The following TMEM223 variants were observed in gnomAD, a reference collection of about 807,000 sequenced individuals.
TMEM223 encodes transmembrane protein 223.
Under a neutral mutation model 14.1 loss-of-function variants are expected in TMEM223, and 14 were observed. The ratio of observed to expected loss-of-function variants is 0.99; its 90% CI spans 0.66 to 1.55. The LOEUF (loss-of-function observed/expected upper bound fraction) is 1.55. Ranked by LOEUF, TMEM223 falls within the 40% of genes most tolerant of loss-of-function variation. The probability of loss-of-function intolerance (pLI) is 0.00; values close to 1 mark genes in which losing one functional copy is unlikely to be tolerated. For missense variants in TMEM223, 346 were observed against 269.9 expected (o/e 1.28, Z -1.97); for synonymous variants, 145 against 120.5 (o/e 1.20, Z -1.33).
chr11:62,787,391 G>A, downstream of TMEM223: 1 of 1,554,170 alleles, frequency 6.4e-7, no homozygotes, highest in Non-Finnish European at 8.6e-7. Context: ...GGCTTTGGGC[G>A]GGGTGCTGCT....
At chr11:62,789,099 CA>C (rs748265191), downstream of TMEM223, 14 of 1,614,246 alleles carry the variant, frequency 8.7e-6, no homozygotes, top group Non-Finnish European at 8.5e-7. Context: ...TCCCGTCCCT[CA>C]GCACCATCCC....
chr11:62,784,717 G>C (rs2084257725), downstream of TMEM223, among the ~76,000 whole-genome samples: 1 of 152,150 alleles, frequency 6.6e-6, no homozygotes, highest in Non-Finnish European at 1.5e-5. Flanking sequence ...TGTTATTACA[G>C]ATTTCCTGAT....
At chr11:62,784,300 T>G (rs1354896801), downstream of TMEM223, among the ~76,000 whole-genome samples, 1 of 145,088 alleles carries the variant, frequency 6.9e-6, no homozygotes, top group East Asian at 2.1e-4. Flanking sequence ...TATATATATA[T>G]TCTTAATTTT....
chr11:62,779,810 G>A (rs1590935002), intron 1 of TMEM223, among the ~76,000 whole-genome samples: 1 of 148,666 alleles, frequency 6.7e-6, no homozygotes, highest in South Asian at 2.1e-4. Context: ...GGATTACAGG[G>A]GCATACCACC....
downstream of TMEM223, chr11:62,789,507 C>A: frequency 6.3e-7 from 1 of 1,597,546 alleles, no homozygotes; most frequent in Non-Finnish European, 8.5e-7. Context: ...CTTTTATCCC[C>A]ATCAGTTGCT....
chr11:62,778,931 G>A (rs1270375682), intron 1 of TMEM223: 3 of 1,613,986 alleles, frequency 1.9e-6, no homozygotes, highest in Non-Finnish European at 2.5e-6. Context: ...GGTGACTCGT[G>A]CTGTGCTAGG....
chr11:62,787,182 G>T, downstream of TMEM223: 2 of 1,587,068 alleles, frequency 1.3e-6, no homozygotes, highest in Non-Finnish European at 8.5e-7. Flanking sequence ...TCCCCGCGCC[G>T]TACGGGCCTA....
At chr11:62,785,815 G>A (rs1057319595), downstream of TMEM223, among the ~76,000 whole-genome samples, 2 of 152,338 alleles carry the variant, frequency 1.3e-5, no homozygotes, top group East Asian at 3.9e-4. Flanking sequence ...GATTACAGGC[G>A]TGAGCCACAG....
chr11:62,783,125 T>TA (rs376700374), downstream of TMEM223, among the ~76,000 whole-genome samples: 235 of 152,346 alleles, frequency 1.5e-3, 1 homozygote, highest in African/African-American at 5.4e-3. Flanking sequence ...CATGAATAGA[T>TA]ACTGAATTTT....
In TMEM223 at chr11:62,790,346, C is replaced by T; in HGVS notation, c.*277G>A. On this transcript the variant is annotated 3_prime_UTR_variant, in exon 2 of 2. Transcript: ENST00000307366. ...TTAGAGGTACTGTTAGGCAGCTGCC[C>T]TAGGGATGACTGCTCCTTTATTTGT... 1 of 544,614 alleles carries T rather than the reference C, an allele frequency of 1.8e-6. No individual in the cohort carries two copies. The highest frequency in any genetic ancestry group is 3.1e-5 in the East Asian group (1 of 32,408). The allele number at this position is 544,614 out of a possible 1,614,324, so 33.7% of individuals were successfully genotyped here.
intron 1 of TMEM223, chr11:62,775,876 G>A: frequency 6.2e-7 from 1 of 1,614,050 alleles, no homozygotes; most frequent in South Asian, 1.1e-5. Context: ...TGAGCGATGA[G>A]GTGGCGGCGC....
intron 1 of TMEM223, chr11:62,774,697 A>C (rs1490823190): frequency 2.2e-6 from 1 of 454,464 alleles, no homozygotes; most frequent in Non-Finnish European, 4.4e-6. Flanking sequence ...GCATTTAGGC[A>C]CTGCAGCCAA....
chr11:62,791,808 C>G lies in TMEM223; in HGVS notation c.187G>C (p.Ala63Pro). The change falls in exon 1 of 2, where the codon GCT becomes CCT. Residue 63 changes from alanine (A) to proline (P), a missense_variant. Coordinates refer to ENST00000307366, the MANE Select transcript of TMEM223 (RefSeq NM_001080501.3). The stretch of plus-strand genomic sequence containing the variant: ...GGGGGCCGGGACACGGCTGCCACAG[C>G]CATGGAAGCCCAGAAGACGCCCTGG... ...AGQGVFWASMAVAAVSRPPVP... is the reference protein window; with the variant it reads ...AGQGVFWASMPVAAVSRPPVP... 1 of 1,580,996 alleles carries G rather than the reference C, an allele frequency of 6.3e-7. No homozygotes were observed. Among genetic ancestry groups the G allele is most frequent in the Non-Finnish European group, 8.6e-7 (1 of 1,164,528 alleles).
chr11:62,787,600 T>G, downstream of TMEM223: 1 of 1,438,112 alleles, frequency 7.0e-7, no homozygotes, highest in African/African-American at 1.4e-5. Context: ...ACTTTCGCTT[T>G]CCGACCGGGC....
At chr11:62,784,005 G>A (rs1434244828), downstream of TMEM223, among the ~76,000 whole-genome samples, 14 of 472 alleles carry the variant, frequency 0.03, no homozygotes, top group African/African-American at 0.1. Context: ...ACTCCAGCCC[G>A]GGCGACAGAG....
Position 62,790,631 on chromosome 11 carries a change from T to G in TMEM223, c.601A>C (p.Ser201Arg). The change falls in exon 2 of 2, where the codon AGC becomes CGC. Residue 201 changes from serine to arginine, a missense_variant. Coordinates refer to ENST00000307366, the MANE Select transcript of TMEM223 (RefSeq NM_001080501.3). ...LFDNTVGAYR[S>R]L ...GACTTGAGGTCATTTCTTCACAAGC[T>G]CCGGTAGGCACCCACAGTATTGTCA... 2 of 1,607,528 alleles carry G rather than the reference T, an allele frequency of 1.2e-6. No homozygotes were observed. Among genetic ancestry groups the G allele is most frequent in the Non-Finnish European group, 1.7e-6 (2 of 1,175,574 alleles).
chr11:62,789,765 C>T, downstream of TMEM223: 1 of 1,511,884 alleles, frequency 6.6e-7, no homozygotes, highest in Non-Finnish European at 8.9e-7. Context: ...CTTGGCCTAC[C>T]AGTGAGAGGA....
At position 62,790,840 on chromosome 11, in the gene TMEM223, T is replaced by C. The variant is rs113645395; in HGVS notation, c.392A>G (p.Gln131Arg). The C allele has an allele frequency of 6.2e-7, 1 of 1,605,416 alleles. No homozygotes were observed. The highest frequency in any genetic ancestry group is 1.3e-5 in the African/African-American group (1 of 74,876). Residue 131 changes from glutamine (Q) to arginine (R), a missense_variant, in exon 2 of 2, where the codon CAG becomes CGG. Physicochemically the swap from Gln to Arg is conservative, Grantham distance 43. Coordinates refer to ENST00000307366, the MANE Select transcript of TMEM223 (RefSeq NM_001080501.3). ...GGCATGAGTGGTGAGGGTCACCTGC[T>C]GCCCTCCAGCTCGAAGCACCACTGA... is the stretch of plus-strand genomic sequence containing the variant. The part of the protein sequence containing the change: ...VRSVVLRAGG[Q>R]QVTLTTHAPF...
chr11:62,782,705 C>A, downstream of TMEM223: 1 of 1,612,180 alleles, frequency 6.2e-7, no homozygotes, highest in Non-Finnish European at 8.5e-7. Flanking sequence ...CTCATGGGGA[C>A]CTTGTAAGTG....
Sources: gnomAD v4.1 joint callset for allele counts (sites outside exome capture counted in the v4.1 genomes callset) on GRCh38, gnomAD v4.1.1 for gene constraint, MANE v1.5 for transcripts, NCBI Gene and HGNC (gene_info 2026-07-23, HGNC 2026-07-21) for gene names.